LRP1B: variants seen among roughly 807,000 people sequenced by gnomAD.
LRP1B encodes low-density lipoprotein receptor-related protein 1B.
A neutral mutation model predicts 556.6 loss-of-function variants in LRP1B; 217 were observed. The observed-to-expected ratio is 0.39, with a 90% confidence interval of 0.35 to 0.44. The LOEUF (loss-of-function observed/expected upper bound fraction) is 0.44, where lower values mean the gene tolerates loss of function less well. Ranked by LOEUF, LRP1B falls within the 20% of genes least tolerant of loss-of-function variation. The pLI, the probability that LRP1B is intolerant of heterozygous loss-of-function variation, is 1.00. For missense variants in LRP1B, 5,053 were observed against 5,620.8 expected (o/e 0.90, Z 3.23); for synonymous variants, 2,047 against 1,865.8 (o/e 1.10, Z -2.50).
intron 16 of LRP1B, among the ~76,000 whole-genome samples, chr2:140,990,048 A>C (rs531562377): frequency 6.6e-6 from 1 of 152,218 alleles, no homozygotes; most frequent in Non-Finnish European, 1.5e-5. Flanking sequence ...TCTACTAAAA[A>C]TACAAAAAAT....
chr2:141,112,842 T>C (rs1700789210), intron 7 of LRP1B, among the ~76,000 whole-genome samples: 1 of 152,078 alleles, frequency 6.6e-6, no homozygotes, highest in Non-Finnish European at 1.5e-5. Flanking sequence ...ATCCCAGAAA[T>C]CTAAATCCAA....
chr2:140,630,639 C>T (rs527409842), intron 41 of LRP1B, among the ~76,000 whole-genome samples: 12 of 152,244 alleles, frequency 7.9e-5, no homozygotes, highest in Middle Eastern at 6.8e-3. Context: ...CTTCTAGGAA[C>T]GTCACCACGT....
intron 43 of LRP1B, among the ~76,000 whole-genome samples, chr2:140,581,316 T>C (rs1032770048): frequency 9.8e-5 from 15 of 152,334 alleles, no homozygotes; most frequent in African/African-American, 3.4e-4. Context: ...AGTATGGTGG[T>C]GATGATGATC....
chr2:141,786,121 C>A (rs1574357650), intron 2 of LRP1B, among the ~76,000 whole-genome samples: 1 of 151,884 alleles, frequency 6.6e-6, no homozygotes, highest in African/African-American at 2.4e-5. Context: ...TATTCCGATA[C>A]TTTTCCACTG....
chr2:141,569,131 T>G (rs1374693478), intron 2 of LRP1B, among the ~76,000 whole-genome samples: 2 of 151,058 alleles, frequency 1.3e-5, no homozygotes, highest in East Asian at 3.9e-4. Flanking sequence ...GAAAGGAAAG[T>G]AAATCAGATA....
chr2:140,321,820 C>T (rs1680149585), intron 82 of LRP1B, 143 bp downstream of exon 82: 1 of 731,342 alleles, frequency 1.4e-6, no homozygotes, highest in Admixed American at 2.7e-5. Flanking sequence ...GAGAAAAGTA[C>T]AGTTTACACA....
At chr2:142,082,134 T>C (rs1705741735) in intron 1 of LRP1B, among the ~76,000 whole-genome samples, 1 of 152,220 alleles carries the variant, frequency 6.6e-6, no homozygotes, top group African/African-American at 2.4e-5. Context: ...GGTTTTCATA[T>C]GGCCCACAGT....
chr2:141,175,933 C>T (rs1680714738), intron 7 of LRP1B, among the ~76,000 whole-genome samples: 4 of 152,042 alleles, frequency 2.6e-5, no homozygotes, highest in South Asian at 4.1e-4. Flanking sequence ...GACATGGAGT[C>T]AAAGGAAATC....
intron 3 of LRP1B, among the ~76,000 whole-genome samples, chr2:141,473,715 C>T (rs991067112): frequency 6.6e-6 from 1 of 152,182 alleles, no homozygotes; most frequent in African/African-American, 2.4e-5. Context: ...TAGCTGTAGA[C>T]TTATTGATGT....
At chr2:140,869,702 A>G (rs1000549259) in intron 25 of LRP1B, among the ~76,000 whole-genome samples, 10 of 152,118 alleles carry the variant, frequency 6.6e-5, no homozygotes, top group African/African-American at 2.4e-4. Context: ...GGTGTAAAAA[A>G]TGAGATAAAA....
chr2:141,568,599 T>G (rs1036836830), intron 2 of LRP1B, among the ~76,000 whole-genome samples: 1 of 151,214 alleles, frequency 6.6e-6, no homozygotes, highest in African/African-American at 2.4e-5. Flanking sequence ...CATCTACAGA[T>G]CTTTGATATC....
intron 84 of LRP1B, among the ~76,000 whole-genome samples, chr2:140,289,546 A>C (rs2104983373): frequency 6.6e-6 from 1 of 152,000 alleles, no homozygotes; most frequent in Non-Finnish European, 1.5e-5. Context: ...GTTTCTAATA[A>C]ATTTCCTTTT....
chr2:141,309,321 T>C lies in LRP1B; in HGVS notation c.344-54680A>G, dbSNP rs191400741. 2.9e-3 allele frequency among the ~76,000 whole-genome samples: 435 copies of C among 152,388 alleles called. 3 individuals carry two copies. The highest frequency in any genetic ancestry group is 9.4e-3 in the Admixed American group (144 of 15,304). On this transcript the variant is annotated intron_variant, in intron 3 of 90. Coordinates refer to ENST00000389484, the MANE Select transcript of LRP1B (RefSeq NM_018557.3). ...TAAAAATTCTACAAAAGAATTCTTA[T>C]GGGCTTGGTTTTGATAATTTTCTGT...
chr2:141,590,996 T>A (rs1687314376), intron 2 of LRP1B, among the ~76,000 whole-genome samples: 1 of 152,348 alleles, frequency 6.6e-6, no homozygotes, highest in South Asian at 2.1e-4. Context: ...CTTGGCTGTT[T>A]TTGAAGCCCG....
chr2:140,455,654 A>T (rs994267720), intron 62 of LRP1B, among the ~76,000 whole-genome samples: 5 of 152,208 alleles, frequency 3.3e-5, no homozygotes, highest in Non-Finnish European at 7.4e-5. Context: ...TCTGAAAGGC[A>T]AGCTGAGCTA....
chr2:140,840,894 T>C lies in LRP1B; in HGVS notation c.5114+24A>G, dbSNP rs762074421. On this transcript the variant is annotated intron_variant, in intron 30 of 90. Coordinates refer to ENST00000389484, the MANE Select transcript of LRP1B (RefSeq NM_018557.3). The stretch of plus-strand genomic sequence containing the variant: ...AAAGTCTATGAAATTTTGGAAAAAC[T>C]TTAAAAAAAAAATCATACTTTACCC... 4.3e-6 allele frequency: 6 copies of C among 1,409,820 alleles called. No individual in the cohort carries two copies. In the East Asian group the frequency reaches 1.5e-4, roughly 36 times the overall value. The allele number at this position is 1,409,820 out of a possible 1,614,324, so 87.3% of individuals were successfully genotyped here.
At chr2:141,780,687 C>T (rs1164317506) in intron 2 of LRP1B, among the ~76,000 whole-genome samples, 1 of 152,164 alleles carries the variant, frequency 6.6e-6, no homozygotes, top group Non-Finnish European at 1.5e-5. Flanking sequence ...GGGGAAGCAA[C>T]AGCATTCTTT....
chr2:140,401,141 T>A (rs139647740), intron 66 of LRP1B, among the ~76,000 whole-genome samples: 7 of 152,196 alleles, frequency 4.6e-5, no homozygotes, highest in Admixed American at 2.0e-4. Flanking sequence ...CAGAACTTGG[T>A]GGGGCTAGTG....
At chr2:140,899,689 T>C (rs767113744) in intron 23 of LRP1B, among the ~76,000 whole-genome samples, 2 of 152,180 alleles carry the variant, frequency 1.3e-5, no homozygotes, top group East Asian at 1.9e-4. Context: ...TTGTCTTGAA[T>C]AAAAGTATGC....
Sources: allele counts gnomAD v4.1 joint callset (sites outside exome capture counted in the v4.1 genomes callset), GRCh38; gene constraint gnomAD v4.1.1; transcripts MANE v1.5; gene names NCBI Gene and HGNC (gene_info 2026-07-23, HGNC 2026-07-21).